The following FBN1 variants were observed in gnomAD, a reference collection of about 807,000 sequenced individuals.
The protein encoded by FBN1 is fibrillin 1.
FBN1 carries 29 observed loss-of-function variants against 365.1 expected under a neutral mutation model. The ratio of observed to expected loss-of-function variants is 0.08; its 90% CI spans 0.06 to 0.11. The LOEUF is 0.11. Among genes scored for constraint, FBN1 ranks in the 10% least tolerant of loss-of-function variants. The pLI, the probability that FBN1 is intolerant of heterozygous loss-of-function variation, is 1.00. For missense variants in FBN1, 2,476 were observed against 3,703.2 expected (o/e 0.67, Z 8.60); for synonymous variants, 1,210 against 1,270.5 (o/e 0.95, Z 1.01).
At chr15:48,429,374 A>G (rs2043008118) in intron 56 of FBN1, among the ~76,000 whole-genome samples, 1 of 152,244 alleles carries the variant, frequency 6.6e-6, no homozygotes, top group African/African-American at 2.4e-5. Flanking sequence ...ATCATAAACT[A>G]CAACTCAGTT....
At chr15:48,619,074 C>G (rs974507907) in intron 2 of FBN1, among the ~76,000 whole-genome samples, 1 of 152,020 alleles carries the variant, frequency 6.6e-6, no homozygotes, top group Non-Finnish European at 1.5e-5. Flanking sequence ...CTGAAACCAT[C>G]CCCCCATCCC....
intron 6 of FBN1, among the ~76,000 whole-genome samples, chr15:48,561,599 A>C (rs2044222669): frequency 6.6e-6 from 1 of 152,220 alleles, no homozygotes; most frequent in Non-Finnish European, 1.5e-5. Context: ...CACTCAATTC[A>C]AAATTTTAAA....
intron 38 of FBN1, among the ~76,000 whole-genome samples, chr15:48,466,754 A>G (rs1048078433): frequency 9.9e-5 from 15 of 152,076 alleles, no homozygotes; most frequent in Non-Finnish European, 1.3e-4. Flanking sequence ...TGACTCCCCA[A>G]ATTAAGTGTC....
At chr15:48,527,811 T>A (rs1449349165) in intron 8 of FBN1, among the ~76,000 whole-genome samples, 5 of 152,236 alleles carry the variant, frequency 3.3e-5, no homozygotes, top group African/African-American at 1.2e-4. Flanking sequence ...AACAGCACTG[T>A]CATTGCAAAA....
chr15:48,635,509 A>G (rs764394502), intron 2 of FBN1, among the ~76,000 whole-genome samples: 1 of 152,212 alleles, frequency 6.6e-6, no homozygotes, highest in Non-Finnish European at 1.5e-5. Flanking sequence ...ACCTATTTTT[A>G]CTTATTAGTA....
At position 48,430,710 on chromosome 15, in the gene FBN1, G is replaced by C. The variant is rs363835; in HGVS notation, c.6832C>G (p.Pro2278Ala). 9.5e-5 allele frequency: 153 copies of C among 1,613,830 alleles called. No individual in the cohort carries two copies. The African/African-American group carries it at 1.9e-3, about 20-fold the overall frequency. The change falls in exon 56 of 66, where the codon CCC (proline) becomes GCC (alanine). Residue 2278 changes from proline (P) to alanine (A), a missense_variant. Physicochemically the swap from Pro to Ala is conservative, Grantham distance 27. This residue lies in a region of FBN1 where 1,780 missense variants were observed against 2,840.8 expected (regional missense o/e 0.63). Coordinates refer to ENST00000316623, the MANE Select transcript of FBN1 (RefSeq NM_000138.5). ...LIGTYMCICGPGYQRRPDGEG... is the reference protein window; with the variant it reads ...LIGTYMCICGAGYQRRPDGEG... ...CCATCAGGTCTCCGCTGATACCCGGGTCCACAGATGCACATATATGTGCCA... is the reference window on the plus strand; with the variant it reads ...CCATCAGGTCTCCGCTGATACCCGGCTCCACAGATGCACATATATGTGCCA...
At chr15:48,643,580 A>C (rs1378742646) in intron 2 of FBN1, 3 of 152,210 alleles carry the variant, frequency 2.0e-5, no homozygotes, top group Non-Finnish European at 4.4e-5. Context: ...CCACATATCC[A>C]AGTGGATACC....
chr15:48,428,074 C>T lies in FBN1; in HGVS notation c.6997+272G>A, dbSNP rs3929051. The T allele has an allele frequency of 0.78, 497,130 of 634,532 alleles. 195,659 individuals are homozygous for T. The highest frequency in any genetic ancestry group is 0.89 in the East Asian group (31,406 of 35,274). 39.3% of individuals were successfully genotyped at this position (634,532 alleles called of 1,614,324 possible). On this transcript the variant is annotated intron_variant, in intron 57 of 65. Transcript: ENST00000316623. Reference sequence around the variant, plus strand: ...ACAGACAGAGGGGCAGAGAAACATACGGAAGTGGATCCTGATCACCAAGGG... The same window carrying T: ...ACAGACAGAGGGGCAGAGAAACATATGGAAGTGGATCCTGATCACCAAGGG...
At chr15:48,595,944 G>A (rs989061385) in intron 6 of FBN1, among the ~76,000 whole-genome samples, 2 of 152,038 alleles carry the variant, frequency 1.3e-5, no homozygotes, top group Admixed American at 1.3e-4. Context: ...TAATTCACTG[G>A]CATAATAAAG....
chr15:48,576,553 A>G (rs2044349341), intron 6 of FBN1, among the ~76,000 whole-genome samples: 2 of 152,152 alleles, frequency 1.3e-5, no homozygotes, highest in Admixed American at 1.3e-4. Context: ...TGCCTGCTGG[A>G]GGAATGAAGG....
At chr15:48,618,310 CATG>C (rs1889696891) in intron 2 of FBN1, among the ~76,000 whole-genome samples, 1 of 152,150 alleles carries the variant, frequency 6.6e-6, no homozygotes, top group African/African-American at 2.4e-5. Context: ...AACTACACAT[CATG>C]ATTTTATTTG....
At chr15:48,490,176 A>C in intron 24 of FBN1, 98 bp from the exon 25 acceptor site, 2 of 1,015,482 alleles carry the variant, frequency 2.0e-6, no homozygotes, top group Non-Finnish European at 3.0e-6. Context: ...ACACATAATA[A>C]TTTGCTGTAT....
intron 2 of FBN1, among the ~76,000 whole-genome samples, chr15:48,631,565 A>T (rs1251889468): frequency 6.6e-6 from 1 of 152,238 alleles, no homozygotes; most frequent in Non-Finnish European, 1.5e-5. Flanking sequence ...TTCAGGCAGG[A>T]CTAACACATG....
At chr15:48,445,140 A>C (rs1198269346) in intron 48 of FBN1, among the ~76,000 whole-genome samples, 1 of 141,066 alleles carries the variant, frequency 7.1e-6, no homozygotes, top group Non-Finnish European at 1.5e-5. Flanking sequence ...ATATATACAC[A>C]CACACATATA....
chr15:48,456,869 T>TGTGTGC (rs371116530), intron 43 of FBN1, 107 bp from the exon 44 acceptor site: 17 of 1,086,476 alleles, frequency 1.6e-5, no homozygotes, highest in Admixed American at 5.3e-5. Flanking sequence ...TGTGTGTGTG[T>TGTGTGC]GTGCGTGCAT....
intron 20 of FBN1, 84 bp from the exon 21 acceptor site, chr15:48,495,672 T>G: frequency 6.5e-7 from 1 of 1,534,698 alleles, no homozygotes; most frequent in East Asian, 2.2e-5. Context: ...CAATTGCTAC[T>G]ACATATCCTT....
At chr15:48,505,412 A>C (rs2043700306) in intron 15 of FBN1, among the ~76,000 whole-genome samples, 1 of 152,206 alleles carries the variant, frequency 6.6e-6, no homozygotes, top group Non-Finnish European at 1.5e-5. Context: ...ATAATCACAA[A>C]GGCAAAAACA....
At chr15:48,500,720 T>A (rs1443585411) in intron 17 of FBN1, among the ~76,000 whole-genome samples, 1 of 152,116 alleles carries the variant, frequency 6.6e-6, no homozygotes, top group African/African-American at 2.4e-5. Flanking sequence ...AACTGACCAA[T>A]TACACTCCCG....
rs1261589575 is a variant in FBN1 at position 48,468,173 on chromosome 15, T to G, written c.4583-71A>C. 8.2e-6 allele frequency: 13 copies of G among 1,576,424 alleles called. No homozygotes were observed. The East Asian group carries it at 2.7e-4, about 33-fold the overall frequency. On this transcript the variant is annotated intron_variant, in intron 37 of 65. Coordinates refer to ENST00000316623, the MANE Select transcript of FBN1 (RefSeq NM_000138.5). ...ACTGGGGTTGAAAATTCAAACCCAC[T>G]TCAGGAACTGTTCAAAAACCGTAAT... is the stretch of plus-strand genomic sequence containing the variant.
Sources: gnomAD v4.1 joint callset for allele counts (sites outside exome capture counted in the v4.1 genomes callset) on GRCh38, gnomAD v4.1.1 for gene constraint, gnomAD v4.1.1 regional missense constraint, MANE v1.5 for transcripts, NCBI Gene and HGNC (gene_info 2026-07-23, HGNC 2026-07-21) for gene names.